The following CELSR1 variants were observed in gnomAD, a reference collection of about 807,000 sequenced individuals.
CELSR1 encodes the protein cadherin EGF LAG seven-pass G-type receptor 1.
CELSR1 carries 110 observed loss-of-function variants against 249.1 expected under a neutral mutation model. The observed-to-expected ratio is 0.44, with a 90% CI of 0.38 to 0.52. CELSR1 has a LOEUF of 0.52. Ranked by LOEUF, CELSR1 falls within the 20% of genes least tolerant of loss-of-function variation. The pLI is 0.00. For missense variants in CELSR1, 4,109 were observed against 4,296.4 expected, an observed-to-expected ratio of 0.96 and a Z score of 1.22; for synonymous variants, 2,113 against 1,900.0, an observed-to-expected ratio of 1.11 and a Z score of -2.92.
In CELSR1 at chr22:46,494,262, A is replaced by C. The variant is rs9627479; in HGVS notation, c.3545-29917T>G. ...AACAAGCCTTGACATCCAGCCAACC[A>C]AGTCCTCCCACCTCAGCTCTTCCTC... On this transcript the variant is annotated intron_variant, in intron 1 of 34. Transcript: ENST00000674500. Among the ~76,000 whole-genome samples, 733 of 152,230 alleles carry C rather than the reference A, an allele frequency of 4.8e-3. 7 individuals are homozygous for C. The highest frequency in any genetic ancestry group is 0.017 in the African/African-American group (712 of 41,540).
In CELSR1 at chr22:46,506,634, CA is replaced by C. The variant is rs2080517634; in HGVS notation, c.3544+26992del. Among the ~76,000 whole-genome samples the C allele has an allele frequency of 6.6e-6, 1 of 152,212 alleles. No individual in the cohort carries two copies. Among genetic ancestry groups the C allele is most frequent in the African/African-American group, 2.4e-5 (1 of 41,458 alleles). ...AGGGTGATGTTTCTAGGACTTTCAA[CA>C]TCTACATTCTAGATCAGTTTTCAGG... On this transcript the variant is annotated intron_variant, in intron 1 of 34. Transcript: ENST00000674500. The surrounding 1 kb of genome is among the most constrained non-coding windows in gnomAD (Gnocchi z 4.1).
Position 46,363,696 on chromosome 22 carries a change from C to G in CELSR1, c.9035+300G>C. ...GGGTGGCAGTGGTCCCAGGCGGAGA[C>G]AATGCTGATCAAACGCAGAGCCCAG... On this transcript the variant is annotated intron_variant, in intron 34 of 34. Coordinates refer to ENST00000674500, the MANE Select transcript of CELSR1 (RefSeq NM_001378328.1). This position sits in a 1 kb window ranked among gnomAD's most constrained non-coding sequence, Gnocchi z 4.3. 2.2e-6 allele frequency: 1 copy of G among 454,382 alleles called. No individual in the cohort carries two copies. The highest frequency in any genetic ancestry group is 3.9e-6 in the Non-Finnish European group (1 of 256,220). The allele number at this position is 454,382 out of a possible 1,614,324, so 28.1% of individuals were successfully genotyped here.
intron 5 of CELSR1, among the ~76,000 whole-genome samples, chr22:46,416,137 C>A (rs770177420): frequency 1.3e-5 from 2 of 149,268 alleles, no homozygotes; most frequent in African/African-American, 5.0e-5. Flanking sequence ...ACAGACGAAC[C>A]GCCTCCTCAC....
At position 46,390,866 on chromosome 22, in the gene CELSR1, T is replaced by G. The variant is rs888631839; in HGVS notation, c.6250+320A>C. On this transcript the variant is annotated intron_variant, in intron 16 of 34. Coordinates refer to ENST00000674500, the MANE Select transcript of CELSR1 (RefSeq NM_001378328.1). The surrounding 1 kb of genome is among the most constrained non-coding windows in gnomAD (Gnocchi z 6.3). ...CCTCACAGAGTGGACACAGTCAATG[T>G]CCCCATTTCACAGAGGTAACCCGAT... Among the ~76,000 whole-genome samples the G allele has an allele frequency of 2.0e-5, 3 of 151,976 alleles. No homozygotes were observed. The highest frequency in any genetic ancestry group is 4.4e-5 in the Non-Finnish European group (3 of 68,024).
In CELSR1 at chr22:46,454,367, G is replaced by A. The variant is rs569603387; in HGVS notation, c.4183+9340C>T. Among the ~76,000 whole-genome samples, 19 of 152,282 alleles carry A rather than the reference G, an allele frequency of 1.2e-4. No homozygotes were observed. The highest frequency in any genetic ancestry group is 4.2e-4 in the South Asian group (2 of 4,816). On this transcript the variant is annotated intron_variant, in intron 2 of 34. Coordinates refer to ENST00000674500, the MANE Select transcript of CELSR1 (RefSeq NM_001378328.1). This position sits in a 1 kb window ranked among gnomAD's most constrained non-coding sequence, Gnocchi z 5.1. Reference sequence around the variant, plus strand: ...GAGACTCGTGCAGGGGTGAGCGAGCGTGCCCAGCCCTGCTGTCACGGAGCC... The same window carrying A: ...GAGACTCGTGCAGGGGTGAGCGAGCATGCCCAGCCCTGCTGTCACGGAGCC...
rs1254499986 is a variant in CELSR1, at chr22:46,440,050, C to CT, written c.4184-640dup. Among the ~76,000 whole-genome samples the CT allele has an allele frequency of 6.6e-6, 1 of 152,180 alleles. No individual in the cohort carries two copies. Among genetic ancestry groups the CT allele is most frequent in the Non-Finnish European group, 1.5e-5 (1 of 68,034 alleles). On this transcript the variant is annotated intron_variant, in intron 2 of 34. Coordinates refer to ENST00000674500, the MANE Select transcript of CELSR1 (RefSeq NM_001378328.1). The surrounding 1 kb of genome is among the most constrained non-coding windows in gnomAD (Gnocchi z 4.7). ...CCTGAAGGGCAGGCACCACCCTACT[C>CT]TGATGTCCTTCCTAGAGTTTAAACT... is the stretch of plus-strand genomic sequence containing the variant.
At chr22:46,461,057 G>C (rs559009027) in intron 2 of CELSR1, among the ~76,000 whole-genome samples, 1 of 152,232 alleles carries the variant, frequency 6.6e-6, no homozygotes, top group South Asian at 2.1e-4. Flanking sequence ...GCTTACCAGG[G>C]AGCAAGTAAT....
At position 46,447,516 on chromosome 22, in the gene CELSR1, G is replaced by T. The variant is rs1374996743; in HGVS notation, c.4184-8105C>A. Among the ~76,000 whole-genome samples the T allele has an allele frequency of 6.6e-6, 1 of 152,098 alleles. No individual in the cohort carries two copies. The highest frequency in any genetic ancestry group is 6.5e-5 in the Admixed American group (1 of 15,270). ...TGGCAGCCTCGCCTCCCACACCAAG[G>T]ATAGAGTCCACCTGGGCAAACCTAT... On this transcript the variant is annotated intron_variant, in intron 2 of 34. Transcript: ENST00000674500. This position sits in a 1 kb window ranked among gnomAD's most constrained non-coding sequence, Gnocchi z 4.7.
At chr22:46,529,688 A>G (rs1189523222) in intron 1 of CELSR1, among the ~76,000 whole-genome samples, 1 of 151,972 alleles carries the variant, frequency 6.6e-6, no homozygotes, top group East Asian at 1.9e-4. Context: ...CTGTAATCCA[A>G]TGTACTCAGG....
In CELSR1 at chr22:46,364,497, G is replaced by A. The variant is rs116138784; in HGVS notation, c.8779+15C>T. On this transcript the variant is annotated intron_variant, in intron 33 of 34. Transcript: ENST00000674500. ...TCCTCCAGCCTTTCACTGCAGCCCC[G>A]GCCTCCCCAGGCACCTTTCCTCTGC... is the stretch of plus-strand genomic sequence containing the variant. 2,481 of 1,601,354 alleles carry A rather than the reference G, an allele frequency of 1.5e-3. 35 individuals carry two copies. In the African/African-American group the frequency reaches 0.028, roughly 18 times the overall value.
In CELSR1 at chr22:46,446,320, C is replaced by T. The variant is rs1335728692; in HGVS notation, c.4184-6909G>A. Among the ~76,000 whole-genome samples the T allele has an allele frequency of 2.0e-5, 3 of 152,214 alleles. No individual in the cohort carries two copies. The highest frequency in any genetic ancestry group is 2.0e-4 in the Admixed American group (3 of 15,286). On this transcript the variant is annotated intron_variant, in intron 2 of 34. Transcript: ENST00000674500. This position sits in a 1 kb window ranked among gnomAD's most constrained non-coding sequence, Gnocchi z 5.5. ...CCCTGGCTGTACCTGTCCTCTGCCTCGAGCACTCTCCCTCTGGGGAAGCTC... is the reference window on the plus strand; with the variant it reads ...CCCTGGCTGTACCTGTCCTCTGCCTTGAGCACTCTCCCTCTGGGGAAGCTC...
chr22:46,436,118 C>A lies in CELSR1; in HGVS notation c.4522+56G>T. The stretch of plus-strand genomic sequence containing the variant: ...CTGCACAGGGCGAGGGTCGTTTTAA[C>A]CCACAAAGTATCTGTGAATTGCTCA... On this transcript the variant is annotated intron_variant, in intron 4 of 34. Transcript: ENST00000674500. The surrounding 1 kb of genome is among the most constrained non-coding windows in gnomAD (Gnocchi z 5.9). 2 of 1,450,834 alleles carry A rather than the reference C, an allele frequency of 1.4e-6. No homozygotes were observed. Among genetic ancestry groups the A allele is most frequent in the Non-Finnish European group, 1.9e-6 (2 of 1,036,468 alleles). The allele number at this position is 1,450,834 out of a possible 1,614,324, so 89.9% of individuals were successfully genotyped here. A position where few individuals can be genotyped will look rare whatever the true frequency, so the allele number is the denominator to read the frequency against.
intron 1 of CELSR1, among the ~76,000 whole-genome samples, chr22:46,469,570 C>A (rs1450285264): frequency 6.6e-6 from 1 of 152,120 alleles, no homozygotes; most frequent in Non-Finnish European, 1.5e-5. Flanking sequence ...GGCTGGAATG[C>A]AATGATGCAA....
chr22:46,438,828 A>G (rs738465), intron 3 of CELSR1, among the ~76,000 whole-genome samples: 59,994 of 151,956 alleles, frequency 0.39, 12,322 homozygotes, highest in Middle Eastern at 0.55. Flanking sequence ...GCACAGTCTC[A>G]GCTCACTGCA....
At chr22:46,530,151 A>G (rs1365640483) in intron 1 of CELSR1, among the ~76,000 whole-genome samples, 2 of 151,176 alleles carry the variant, frequency 1.3e-5, no homozygotes, top group East Asian at 1.9e-4. Context: ...CTCTATTACA[A>G]ATAATTAAAA....
At chr22:46,511,742 G>C (rs945894233) in intron 1 of CELSR1, among the ~76,000 whole-genome samples, 5 of 152,208 alleles carry the variant, frequency 3.3e-5, no homozygotes, top group African/African-American at 1.2e-4. Flanking sequence ...AAGGCAGGGA[G>C]AGTAGGGGGC....
In CELSR1 at chr22:46,536,232, G is replaced by A. The variant is rs371370417; in HGVS notation, c.939C>T (p.Arg313=). The change falls in exon 1 of 35, where the codon CGC becomes CGT. Residue 313 remains arginine, a synonymous_variant. Transcript: ENST00000674500. ...TGAGGACGTGCGTCTCCTTGGTCTC[G>A]CGGTCCAGTACGCTGTCCGTGCTCA... ...GAVSTDSVLD[R]ETKETHVLRV... 45 of 1,612,376 alleles carry A rather than the reference G, an allele frequency of 2.8e-5. No individual in the cohort carries two copies. Among genetic ancestry groups the A allele is most frequent in the Non-Finnish European group, 2.5e-5 (29 of 1,179,988 alleles).
Position 46,437,531 on chromosome 22 carries a change from G to A in CELSR1, c.4407-1242C>T, listed in dbSNP as rs1030770968. On this transcript the variant is annotated intron_variant, in intron 3 of 34. Coordinates refer to ENST00000674500, the MANE Select transcript of CELSR1 (RefSeq NM_001378328.1). The surrounding 1 kb of genome is among the most constrained non-coding windows in gnomAD (Gnocchi z 4.9). ...AGCACTTTGGGAGGCCGAGGTGGGT[G>A]GATCACCTGAGGTCAGGTTGACCAG... 2.3e-4 allele frequency among the ~76,000 whole-genome samples: 35 copies of A among 152,160 alleles called. No individual in the cohort carries two copies. The highest frequency in any genetic ancestry group is 8.2e-4 in the African/African-American group (34 of 41,434).
In CELSR1 at chr22:46,396,876, G is replaced by A; in HGVS notation, c.5702-130C>T. On this transcript the variant is annotated intron_variant, in intron 12 of 34. Transcript: ENST00000674500. The surrounding 1 kb of genome is among the most constrained non-coding windows in gnomAD (Gnocchi z 6.4). The stretch of plus-strand genomic sequence containing the variant: ...GTACTCAGCAGAGGGAAGAGGAAGA[G>A]TGCCACAGAGTCCCCGAAAACACAG... 1 of 1,238,724 alleles carries A rather than the reference G, an allele frequency of 8.1e-7. No individual in the cohort carries two copies. The highest frequency in any genetic ancestry group is 1.1e-6 in the Non-Finnish European group (1 of 889,866). The allele number at this position is 1,238,724 out of a possible 1,614,324, so 76.7% of individuals were successfully genotyped here.
Sources: gnomAD v4.1 joint callset for allele counts (sites outside exome capture counted in the v4.1 genomes callset) on GRCh38, gnomAD v4.1.1 for gene constraint, Gnocchi (gnomAD v3.1) non-coding constraint, MANE v1.5 for transcripts, NCBI Gene and HGNC (gene_info 2026-07-23, HGNC 2026-07-21) for gene names.